Variants in LY86 observed in about 807,000 individuals in gnomAD.
LY86 encodes lymphocyte antigen 86.
A neutral mutation model predicts 17.3 loss-of-function variants in LY86; 20 were observed. That is an observed-to-expected ratio of 1.15 (90% CI 0.81 to 1.68). The LOEUF (loss-of-function observed/expected upper bound fraction) is 1.68, where lower values mean the gene tolerates loss of function less well. LY86 is among the 40% of genes most tolerant of loss of function. LY86 has a pLI of 0.00. For synonymous variants in LY86, 74 were observed against 70.6 expected (o/e 1.05, Z -0.24); for missense variants, 200 against 191.9 (o/e 1.04, Z -0.25).
chr6:6,640,861 C>T (rs935900202), intron 3 of LY86, among the ~76,000 whole-genome samples: 9 of 152,100 alleles, frequency 5.9e-5, no homozygotes, highest in Admixed American at 5.9e-4. Context: ...ATTACAAGTA[C>T]ACAGTGAATG....
intron 1 of LY86, among the ~76,000 whole-genome samples, chr6:6,591,687 C>T (rs552094783): frequency 6.6e-6 from 1 of 152,204 alleles, no homozygotes; most frequent in Non-Finnish European, 1.5e-5. Context: ...GAATTATATC[C>T]CCAGGGTCAC....
chr6:6,649,747 G>GA, intron 4 of LY86, 70 bp downstream of exon 4: 1 of 970,974 alleles, frequency 1.0e-6, no homozygotes, highest in Non-Finnish European at 1.6e-6. Context: ...CTAGAAGGAG[G>GA]GAAAGGAGGA....
chr6:6,613,510 C>G (rs1318272623), intron 1 of LY86, among the ~76,000 whole-genome samples: 1 of 152,184 alleles, frequency 6.6e-6, no homozygotes. Flanking sequence ...TCCTCACTGC[C>G]CGGGGCTTGC....
At chr6:6,602,993 A>G (rs1235850037) in intron 1 of LY86, among the ~76,000 whole-genome samples, 1 of 152,154 alleles carries the variant, frequency 6.6e-6, no homozygotes, top group African/African-American at 2.4e-5. Context: ...CATTGCTCAC[A>G]GTTCTAGAGG....
In LY86 at chr6:6,654,887, T is replaced by C; in HGVS notation, c.*260T>C. 2 of 424,686 alleles carry C rather than the reference T, an allele frequency of 4.7e-6. No homozygotes were observed. Among genetic ancestry groups the C allele is most frequent in the African/African-American group, 4.0e-5 (2 of 49,566 alleles). The allele number at this position is 424,686 out of a possible 1,614,324, so 26.3% of individuals were successfully genotyped here. A position where few individuals can be genotyped will look rare whatever the true frequency, so the allele number is the denominator to read the frequency against. On this transcript the variant is annotated 3_prime_UTR_variant, in exon 5 of 5. Coordinates refer to ENST00000230568, the MANE Select transcript of LY86 (RefSeq NM_004271.4). The stretch of plus-strand genomic sequence containing the variant: ...AAGCAGTCTTGAGGGTCCATCCTTT[T>C]TCTCTAATTGGTCGCCTCCCACCAG...
intron 1 of LY86, among the ~76,000 whole-genome samples, chr6:6,603,063 G>A (rs901272104): frequency 2.0e-5 from 3 of 152,056 alleles, no homozygotes; most frequent in African/African-American, 7.3e-5. Flanking sequence ...CTCACTCTCT[G>A]CTTTACAGAT....
chr6:6,635,433 C>A (rs1319149244), intron 3 of LY86, among the ~76,000 whole-genome samples: 1 of 151,972 alleles, frequency 6.6e-6, no homozygotes, highest in Non-Finnish European at 1.5e-5. Flanking sequence ...CTGCCTTTCT[C>A]TCTCACTCTC....
chr6:6,615,902 T>G (rs544088543), intron 1 of LY86, among the ~76,000 whole-genome samples: 1 of 152,168 alleles, frequency 6.6e-6, no homozygotes, highest in East Asian at 1.9e-4. Flanking sequence ...CTTAACTAAA[T>G]TATTTTAAAC....
rs1334882161 is a variant in LY86, at chr6:6,588,899, T to C, written c.136+29T>C. 1.9e-6 allele frequency: 3 copies of C among 1,606,048 alleles called. No homozygotes were observed. The South Asian group carries it at 3.3e-5, about 18-fold the overall frequency. ...AGCCCTTGCAGTACACCCATGTGTG[T>C]TTATGGGGAAAGCAAGGCCCACAGA... On this transcript the variant is annotated intron_variant, in intron 1 of 4. Coordinates refer to ENST00000230568, the MANE Select transcript of LY86 (RefSeq NM_004271.4).
At chr6:6,640,138 T>A (rs899994199) in intron 3 of LY86, among the ~76,000 whole-genome samples, 1 of 152,190 alleles carries the variant, frequency 6.6e-6, no homozygotes, top group African/African-American at 2.4e-5. Context: ...GGAGAAATGA[T>A]TTGGCTAGGA....
chr6:6,651,254 A>T (rs1762182132), intron 4 of LY86, among the ~76,000 whole-genome samples: 2 of 152,140 alleles, frequency 1.3e-5, no homozygotes, highest in African/African-American at 4.8e-5. Context: ...GTTCTCCAAA[A>T]CCTGTATTTG....
rs111368515 is a variant in LY86, at chr6:6,605,083, A to AC, written c.136+16213_136+16214insC. On this transcript the variant is annotated intron_variant, in intron 1 of 4. Transcript: ENST00000230568. ...CCGAGACTCTCACTAAAAGAACTTT[A>AC]AAGGGTACTTGAAATGACCCCAGAA... Among the ~76,000 whole-genome samples, 1,422 of 151,992 alleles carry AC rather than the reference A, an allele frequency of 9.4e-3. 20 individuals carry two copies. Among genetic ancestry groups the AC allele is most frequent in the African/African-American group, 0.033 (1,352 of 41,472 alleles).
chr6:6,595,827 A>G (rs1760695365), intron 1 of LY86, among the ~76,000 whole-genome samples: 1 of 152,052 alleles, frequency 6.6e-6, no homozygotes, highest in Admixed American at 6.5e-5. Flanking sequence ...CCCATCCCCA[A>G]CCATTCCACC....
chr6:6,640,121 A>C (rs1361110206), intron 3 of LY86, among the ~76,000 whole-genome samples: 1 of 152,156 alleles, frequency 6.6e-6, no homozygotes, highest in Non-Finnish European at 1.5e-5. Flanking sequence ...CATGCCCTCT[A>C]ACCAGAGGAG....
At chr6:6,638,207 C>T (rs1420221928) in intron 3 of LY86, among the ~76,000 whole-genome samples, 1 of 152,096 alleles carries the variant, frequency 6.6e-6, no homozygotes, top group East Asian at 1.9e-4. Context: ...ATTTTGAAGA[C>T]TTAGTACAAA....
chr6:6,606,779 G>A (rs1469629011), intron 1 of LY86, among the ~76,000 whole-genome samples: 1 of 152,074 alleles, frequency 6.6e-6, no homozygotes, highest in Non-Finnish European at 1.5e-5. Context: ...AGCGCCGCGC[G>A]CAGCCCGGGT....
intron 1 of LY86, among the ~76,000 whole-genome samples, chr6:6,589,950 T>C (rs1346976495): frequency 3.3e-5 from 5 of 151,760 alleles, no homozygotes; most frequent in Non-Finnish European, 7.4e-5. Flanking sequence ...GGAAAAACCC[T>C]GTTTCTACTA....
At chr6:6,603,094 T>C (rs1450718578) in intron 1 of LY86, among the ~76,000 whole-genome samples, 1 of 152,078 alleles carries the variant, frequency 6.6e-6, no homozygotes, top group African/African-American at 2.4e-5. Context: ...ACTCTGTCCT[T>C]ATATGGCAGA....
intron 1 of LY86, among the ~76,000 whole-genome samples, chr6:6,623,953 C>T (rs557035723): frequency 6.6e-6 from 1 of 152,262 alleles, no homozygotes; most frequent in East Asian, 1.9e-4. Context: ...GTACACTTTA[C>T]CAAGAATGCC....
Sources: gnomAD v4.1 joint callset for allele counts (sites outside exome capture counted in the v4.1 genomes callset) on GRCh38, gnomAD v4.1.1 for gene constraint, MANE v1.5 for transcripts, NCBI Gene and HGNC (gene_info 2026-07-23, HGNC 2026-07-21) for gene names.